Variants in LTBP1 observed in about 807,000 individuals in gnomAD.
LTBP1 encodes latent transforming growth factor beta binding protein 1.
LTBP1 carries 129 observed loss-of-function variants against 207.6 expected under a neutral mutation model. That is an observed-to-expected ratio of 0.62 (90% CI 0.54 to 0.72). The LOEUF is 0.72. Ranked by LOEUF, LTBP1 falls within the 30% of genes least tolerant of loss-of-function variation. The pLI is 0.00. For missense variants in LTBP1, 2,281 were observed against 2,217.2 expected (o/e 1.03, Z -0.58); for synonymous variants, 963 against 833.7 (o/e 1.16, Z -2.67).
At chr2:33,182,089 T>G in intron 5 of LTBP1, among the ~76,000 whole-genome samples, 1 of 152,188 alleles carries the variant, frequency 6.6e-6, no homozygotes, top group East Asian at 1.9e-4. Flanking sequence ...TTTTATTTAT[T>G]ATTCATAAAG....
At chr2:33,382,395 T>C (rs2150416042) in intron 31 of LTBP1, among the ~76,000 whole-genome samples, 1 of 152,162 alleles carries the variant, frequency 6.6e-6, no homozygotes, top group South Asian at 2.1e-4. Context: ...GTGCCCAGTC[T>C]AGCTTCCCTA....
chr2:33,253,364 G>A (rs1198453180), intron 11 of LTBP1, among the ~76,000 whole-genome samples: 3 of 152,162 alleles, frequency 2.0e-5, no homozygotes, highest in Admixed American at 1.3e-4. Context: ...AAACTTCTGT[G>A]GGAGTTGAGT....
intron 3 of LTBP1, among the ~76,000 whole-genome samples, chr2:33,059,711 A>G (rs1259696510): frequency 1.3e-5 from 2 of 151,724 alleles, no homozygotes; most frequent in African/African-American, 2.4e-5. Flanking sequence ...GAACCATAAG[A>G]TGACTTTGCA....
intron 2 of LTBP1, among the ~76,000 whole-genome samples, chr2:32,953,008 T>C (rs1258556835): frequency 6.6e-6 from 1 of 152,110 alleles, no homozygotes; most frequent in Non-Finnish European, 1.5e-5. Context: ...CTGTAGGGAG[T>C]GCAGGTCTGT....
chr2:33,392,998 G>A (rs2150681962), intron 32 of LTBP1, among the ~76,000 whole-genome samples: 1 of 151,496 alleles, frequency 6.6e-6, no homozygotes, highest in East Asian at 1.9e-4. Context: ...CTCCTTTAAA[G>A]TTTTAAAATG....
At chr2:33,302,673 A>G (rs2094007795) in intron 22 of LTBP1, among the ~76,000 whole-genome samples, 1 of 152,180 alleles carries the variant, frequency 6.6e-6, no homozygotes, top group Non-Finnish European at 1.5e-5. Context: ...TAAAGTGTAT[A>G]CTGTTAATGA....
At chr2:33,188,903 A>AT (rs1471858580) in intron 7 of LTBP1, 52 bp downstream of exon 7, 1 of 1,546,728 alleles carries the variant, frequency 6.5e-7, no homozygotes. Context: ...ATATGGTATC[A>AT]TTTTAACAAG....
chr2:33,246,492 C>G, intron 10 of LTBP1, among the ~76,000 whole-genome samples: 1 of 151,818 alleles, frequency 6.6e-6, no homozygotes, highest in African/African-American at 2.4e-5. Context: ...CACACACACA[C>G]ACAGACACAC....
intron 20 of LTBP1, among the ~76,000 whole-genome samples, chr2:33,297,443 A>G (rs2093900866): frequency 6.8e-6 from 1 of 147,650 alleles, no homozygotes; most frequent in Non-Finnish European, 1.5e-5. Flanking sequence ...TTATTTATTT[A>G]TTTATTGAGA....
chr2:33,288,090 A>C (rs939137124), intron 19 of LTBP1, among the ~76,000 whole-genome samples: 1 of 152,228 alleles, frequency 6.6e-6, no homozygotes, highest in African/African-American at 2.4e-5. Flanking sequence ...GTACTCACTC[A>C]CTGAAGCCTG....
At chr2:33,163,593 T>C (rs113493209) in intron 5 of LTBP1, among the ~76,000 whole-genome samples, 2,331 of 152,242 alleles carry the variant, frequency 0.015, 23 homozygotes, top group East Asian at 0.027. Flanking sequence ...TGACTATAGT[T>C]AGCAAAAACG....
chr2:33,351,769 T>C (rs1172411621), intron 26 of LTBP1, among the ~76,000 whole-genome samples: 1 of 152,248 alleles, frequency 6.6e-6, no homozygotes, highest in Admixed American at 6.5e-5. Flanking sequence ...ATTGATTTCA[T>C]GACATTACTG....
At chr2:33,044,233 T>C (rs767916504) in intron 3 of LTBP1, among the ~76,000 whole-genome samples, 5 of 152,044 alleles carry the variant, frequency 3.3e-5, no homozygotes, top group Non-Finnish European at 7.4e-5. Flanking sequence ...TCATCTACAT[T>C]AGGTATTTCT....
chr2:33,232,209 A>G (rs568352290), intron 9 of LTBP1, among the ~76,000 whole-genome samples: 153 of 152,300 alleles, frequency 1.0e-3, no homozygotes, highest in African/African-American at 3.6e-3. Flanking sequence ...GAGGAACCCA[A>G]TCAGATATCC....
intron 5 of LTBP1, among the ~76,000 whole-genome samples, chr2:33,179,898 T>C (rs772975908): frequency 6.6e-6 from 1 of 152,186 alleles, no homozygotes; most frequent in Admixed American, 6.5e-5. Context: ...TATATCCTTA[T>C]GGAAATGAAC....
chr2:33,019,485 C>A (rs1449276597), intron 2 of LTBP1, among the ~76,000 whole-genome samples: 2 of 151,640 alleles, frequency 1.3e-5, no homozygotes, highest in Non-Finnish European at 2.9e-5. Context: ...CAGGCCCCTG[C>A]CACCACACTC....
Position 33,026,633 on chromosome 2 carries a change from G to GA in LTBP1, c.863+5435dup, listed in dbSNP as rs1558531215. On this transcript the variant is annotated intron_variant, in intron 3 of 33. Transcript: ENST00000404816. The stretch of plus-strand genomic sequence containing the variant: ...GGTTTTGATCCTACTTTATTATGTG[G>GA]AAAAAAAAGGCATTGAACGAAAGTT... 2.6e-5 allele frequency among the ~76,000 whole-genome samples: 4 copies of GA among 151,784 alleles called. No homozygotes were observed. In the South Asian group the frequency reaches 6.2e-4, roughly 24 times the overall value.
chr2:33,258,510 A>G (rs1389618342), intron 12 of LTBP1, among the ~76,000 whole-genome samples: 9 of 151,984 alleles, frequency 5.9e-5, no homozygotes, highest in Middle Eastern at 3.4e-3. Flanking sequence ...CTATGCTTTC[A>G]CTCACTGCAT....
intron 8 of LTBP1, among the ~76,000 whole-genome samples, chr2:33,218,266 C>T (rs908293716): frequency 5.9e-5 from 9 of 152,124 alleles, no homozygotes; most frequent in Non-Finnish European, 8.8e-5. Flanking sequence ...CTTTGATTTG[C>T]TTTTATTGTT....
Sources: allele counts gnomAD v4.1 joint callset (sites outside exome capture counted in the v4.1 genomes callset), GRCh38; gene constraint gnomAD v4.1.1; transcripts MANE v1.5; gene names NCBI Gene and HGNC (gene_info 2026-07-23, HGNC 2026-07-21).